Variants in PTAR1 observed in about 807,000 individuals in gnomAD.
The protein encoded by PTAR1 is protein prenyltransferase alpha subunit repeat containing 1.
PTAR1 carries 17 observed loss-of-function variants against 45.5 expected under a neutral mutation model. That is an observed-to-expected ratio of 0.37 (90% CI 0.26 to 0.56). PTAR1 has a LOEUF of 0.56. PTAR1 is among the 20% of genes least tolerant of loss of function. PTAR1 has a pLI of 0.77. For synonymous variants in PTAR1, 169 were observed against 171.3 expected, an observed-to-expected ratio of 0.99 and a Z score of 0.11; for missense variants, 391 against 476.3, an observed-to-expected ratio of 0.82 and a Z score of 1.67.
At position 69,716,410 on chromosome 9, in the gene PTAR1, TA is replaced by T. The variant is rs1824729348; in HGVS notation, c.*1931del. 1.3e-5 allele frequency: 2 copies of T among 152,150 alleles called. No individual in the cohort carries two copies. The highest frequency in any genetic ancestry group is 4.1e-4 in the South Asian group (2 of 4,838). The allele number at this position is 152,150 out of a possible 1,614,324, so 9.4% of individuals were successfully genotyped here. ...TTTCATCTAAATAATATAAAAGCTA[TA>T]AAAAGGTAATTTTTTACTTGAGAGA... On this transcript the variant is annotated 3_prime_UTR_variant, in exon 8 of 8. Coordinates refer to ENST00000340434, the MANE Select transcript of PTAR1 (RefSeq NM_001099666.2).
chr9:69,718,565 C>A lies in PTAR1; in HGVS notation c.986G>T (p.Gly329Val). 1 of 1,613,664 alleles carries A rather than the reference C, an allele frequency of 6.2e-7. No homozygotes were observed. The highest frequency in any genetic ancestry group is 8.5e-7 in the Non-Finnish European group (1 of 1,179,688). The part of the protein sequence containing the change: ...IFYLQHHLNA[G>V]SQLSQAMEVD... Reference sequence around the variant, plus strand: ...TTCCATTGCTTGAGACAGCTGGGAGCCTGCTGGGATAAGGTGCAAGTCACT... The same window carrying A: ...TTCCATTGCTTGAGACAGCTGGGAGACTGCTGGGATAAGGTGCAAGTCACT... Residue 329 changes from glycine to valine, a missense_variant, in exon 8 of 8, where the codon GGC becomes GTC. Physicochemically the swap from Gly to Val is moderately radical, Grantham distance 109. Coordinates refer to ENST00000340434, the MANE Select transcript of PTAR1 (RefSeq NM_001099666.2).
chr9:69,714,975 T>G lies in PTAR1; in HGVS notation c.*3367A>C, dbSNP rs1162914068. On this transcript the variant is annotated 3_prime_UTR_variant, in exon 8 of 8. Transcript: ENST00000340434. ...TGATATGTGCACAGGTACAGATCAG[T>G]AAGTCACTGAAATCAAAGAATTTCT... The G allele has an allele frequency of 6.6e-6, 1 of 151,934 alleles. No individual in the cohort carries two copies. 9.4% of individuals were successfully genotyped at this position (151,934 alleles called of 1,614,324 possible). A position where few individuals can be genotyped will look rare whatever the true frequency, so the allele number is the denominator to read the frequency against.
intron 3 of PTAR1, among the ~76,000 whole-genome samples, chr9:69,735,468 A>G (rs1238747571): frequency 6.6e-6 from 1 of 152,188 alleles, no homozygotes; most frequent in Non-Finnish European, 1.5e-5. Flanking sequence ...TACAGAAAGC[A>G]ATTTTTTCCC....
intron 6 of PTAR1, among the ~76,000 whole-genome samples, chr9:69,719,868 C>A (rs1287952367): frequency 6.6e-6 from 1 of 152,060 alleles, no homozygotes; most frequent in Non-Finnish European, 1.5e-5. Flanking sequence ...GATGTTACTA[C>A]TATAACTATT....
At chr9:69,723,675 G>T (rs1363911502) in intron 5 of PTAR1, 45 bp from the exon 6 acceptor site, 3 of 1,428,646 alleles carry the variant, frequency 2.1e-6, no homozygotes, top group African/African-American at 1.4e-5. Flanking sequence ...GTTCCCAAAG[G>T]TTCTTCTTTC....
At chr9:69,743,947 T>C (rs1433667750) in intron 2 of PTAR1, among the ~76,000 whole-genome samples, 1 of 152,188 alleles carries the variant, frequency 6.6e-6, no homozygotes, top group East Asian at 1.9e-4. Context: ...AGTGGAATTA[T>C]ACATGGAAGA....
intron 3 of PTAR1, among the ~76,000 whole-genome samples, chr9:69,739,795 G>A (rs1303110750): frequency 6.6e-6 from 1 of 152,030 alleles, no homozygotes; most frequent in Non-Finnish European, 1.5e-5. Flanking sequence ...AAATTTACTA[G>A]AACACATATC....
intron 6 of PTAR1, among the ~76,000 whole-genome samples, chr9:69,722,541 G>C (rs933200876): frequency 1.3e-5 from 2 of 151,974 alleles, no homozygotes; most frequent in Non-Finnish European, 2.9e-5. Flanking sequence ...TTAATTTGCA[G>C]ACCATCAGGG....
intron 1 of PTAR1, among the ~76,000 whole-genome samples, chr9:69,751,173 G>C (rs895552306): frequency 6.6e-6 from 1 of 151,936 alleles, no homozygotes; most frequent in African/African-American, 2.4e-5. Flanking sequence ...TCTTGCCTTT[G>C]GATGGCAACT....
chr9:69,719,869 T>A lies in PTAR1; in HGVS notation c.948-1185A>T, dbSNP rs147537859. ...GATCAGCGATCTTTGATGTTACTACTATAACTATTTTGGGGTGTCACAAAC... is the reference window on the plus strand; with the variant it reads ...GATCAGCGATCTTTGATGTTACTACAATAACTATTTTGGGGTGTCACAAAC... On this transcript the variant is annotated intron_variant, in intron 6 of 7. Coordinates refer to ENST00000340434, the MANE Select transcript of PTAR1 (RefSeq NM_001099666.2). Among the ~76,000 whole-genome samples, 395 of 152,292 alleles carry A rather than the reference T, an allele frequency of 2.6e-3. 2 individuals are homozygous for A. Among genetic ancestry groups the A allele is most frequent in the African/African-American group, 9.1e-3 (378 of 41,556 alleles).
rs398010830 is a variant in PTAR1 at position 69,734,258 on chromosome 9, T to TAAAAAAAAAA, written c.324-14_324-5dup. The TAAAAAAAAAA allele has an allele frequency of 3.4e-5, 7 of 207,690 alleles. No homozygotes were observed. Among genetic ancestry groups the TAAAAAAAAAA allele is most frequent in the Admixed American group, 9.2e-5 (1 of 10,916 alleles). 12.9% of individuals were successfully genotyped at this position (207,690 alleles called of 1,614,324 possible). The stretch of plus-strand genomic sequence containing the variant: ...GCCAGAGAGGATCAGCTCTTTCCTG[T>TAAAAAAAAAA]AAAAAAAAAAAAAAAAAAAAAAAAA... On this transcript the variant is annotated splice_polypyrimidine_tract_variant and splice_region_variant and intron_variant, in intron 3 of 7. Coordinates refer to ENST00000340434, the MANE Select transcript of PTAR1 (RefSeq NM_001099666.2).
intron 4 of PTAR1, among the ~76,000 whole-genome samples, chr9:69,733,278 A>G (rs1033813655): frequency 6.6e-6 from 1 of 152,164 alleles, no homozygotes; most frequent in Non-Finnish European, 1.5e-5. Flanking sequence ...ATTTCTGGTG[A>G]TGAAGAAAAT....
At chr9:69,729,235 G>A (rs1445050914) in intron 5 of PTAR1, among the ~76,000 whole-genome samples, 2 of 152,046 alleles carry the variant, frequency 1.3e-5, no homozygotes, top group East Asian at 3.9e-4. Context: ...CAGGAGAATC[G>A]CTTGAACCTG....
chr9:69,750,254 A>G (rs1826462653), intron 2 of PTAR1, among the ~76,000 whole-genome samples: 1 of 152,066 alleles, frequency 6.6e-6, no homozygotes, highest in Non-Finnish European at 1.5e-5. Flanking sequence ...CAGCACAGGA[A>G]CAGGATACAA....
Position 69,722,701 on chromosome 9 carries a change from G to A in PTAR1, c.947+625C>T, listed in dbSNP as rs571082802. Among the ~76,000 whole-genome samples the A allele has an allele frequency of 4.6e-5, 7 of 151,732 alleles. No homozygotes were observed. In the East Asian group the frequency reaches 1.4e-3, roughly 29 times the overall value. On this transcript the variant is annotated intron_variant, in intron 6 of 7. Coordinates refer to ENST00000340434, the MANE Select transcript of PTAR1 (RefSeq NM_001099666.2). The stretch of plus-strand genomic sequence containing the variant: ...CACCTGTAATCCCAGCACTTTGGGA[G>A]GCCAAGGCAGGCAGATCACCTGAGG...
At chr9:69,751,115 T>G (rs1204920793) in intron 1 of PTAR1, among the ~76,000 whole-genome samples, 165 bp from the exon 2 acceptor site, 1 of 152,088 alleles carries the variant, frequency 6.6e-6, no homozygotes, top group African/African-American at 2.4e-5. Flanking sequence ...GGCAAGAGTA[T>G]GAGAAAACCA....
At chr9:69,740,924 A>C (rs978364069) in intron 3 of PTAR1, among the ~76,000 whole-genome samples, 2 of 152,244 alleles carry the variant, frequency 1.3e-5, no homozygotes, top group Non-Finnish European at 2.9e-5. Flanking sequence ...AAAAATTATT[A>C]ATGAGATATT....
At chr9:69,757,204 C>T (rs1277213600) in intron 1 of PTAR1, 2 of 152,166 alleles carry the variant, frequency 1.3e-5, no homozygotes, top group African/African-American at 2.4e-5. Flanking sequence ...ACATTATAAA[C>T]TGTTGTCTTC....
intron 5 of PTAR1, among the ~76,000 whole-genome samples, chr9:69,728,584 A>C (rs964658404): frequency 6.6e-6 from 1 of 152,184 alleles, no homozygotes; most frequent in African/African-American, 2.4e-5. Flanking sequence ...AAGATGGTGA[A>C]TATCTTTTCA....
Sources: gnomAD v4.1 joint callset for allele counts (sites outside exome capture counted in the v4.1 genomes callset) on GRCh38, gnomAD v4.1.1 for gene constraint, MANE v1.5 for transcripts, NCBI Gene and HGNC (gene_info 2026-07-23, HGNC 2026-07-21) for gene names.